SYTL5: variants seen among roughly 807,000 people sequenced by gnomAD.
SYTL5 encodes the protein synaptotagmin like 5.
A neutral mutation model predicts 55.9 loss-of-function variants in SYTL5; 34 were observed. The ratio of observed to expected loss-of-function variants is 0.61; its 90% CI spans 0.46 to 0.81. The LOEUF (loss-of-function observed/expected upper bound fraction) is 0.81. Ranked by LOEUF, SYTL5 falls within the 30% of genes least tolerant of loss-of-function variation. The pLI, the probability that SYTL5 is intolerant of heterozygous loss-of-function variation, is 0.00. For synonymous variants in SYTL5, 221 were observed against 188.7 expected (o/e 1.17, Z -1.40); for missense variants, 637 against 546.7 (o/e 1.17, Z -1.65).
rs537589171 is a variant in SYTL5, at chrX:38,079,275, C to T, written c.689+2574C>T. 3.6e-5 allele frequency among the ~76,000 whole-genome samples: 4 copies of T among 111,424 alleles called. No individual in the cohort carries two copies. The South Asian group carries it at 1.2e-3, about 32-fold the overall frequency. Reference sequence around the variant, plus strand: ...ATGGAGCAGCTGGGCTTCGGCATTCCTTTTTAAGGCTCACATCATATAAGA... The same window carrying T: ...ATGGAGCAGCTGGGCTTCGGCATTCTTTTTTAAGGCTCACATCATATAAGA... On this transcript the variant is annotated intron_variant, in intron 6 of 16. Transcript: ENST00000297875.
the SYTL5 span, among the ~76,000 whole-genome samples, chrX:37,955,165 G>C: frequency 9.1e-6 from 1 of 110,395 alleles, no homozygotes; most frequent in Non-Finnish European, 1.9e-5. Context: ...AATCAGAGAG[G>C]ATGTGGCAAA....
intron 11 of SYTL5, among the ~76,000 whole-genome samples, chrX:38,108,361 C>A (rs1321214909): frequency 9.0e-6 from 1 of 111,327 alleles, no homozygotes; most frequent in Non-Finnish European, 1.9e-5. Context: ...TGGAGTGATT[C>A]AAAACCAGGT....
At chrX:38,120,279 T>C in intron 13 of SYTL5, 79 bp from the exon 14 acceptor site, 1 of 675,745 alleles carries the variant, frequency 1.5e-6, no homozygotes, top group Non-Finnish European at 2.4e-6. Flanking sequence ...ACTAAGTAAA[T>C]ATTGCACATT....
intron 2 of SYTL5, among the ~76,000 whole-genome samples, chrX:38,041,550 A>C (rs1935290315): frequency 8.9e-6 from 1 of 112,398 alleles, no homozygotes; most frequent in East Asian, 2.8e-4. Context: ...TCCCTAATGG[A>C]ACTCAAATGC....
At chrX:38,108,429 G>A (rs1296291073) in intron 11 of SYTL5, among the ~76,000 whole-genome samples, 171 bp from the exon 12 acceptor site, 5 of 111,550 alleles carry the variant, frequency 4.5e-5, no homozygotes, top group Non-Finnish European at 7.5e-5. Context: ...TCTCTCTTAC[G>A]GAAGGCCCAG....
At chrX:38,078,917 G>A (rs778922066) in intron 6 of SYTL5, among the ~76,000 whole-genome samples, 1 of 112,254 alleles carries the variant, frequency 8.9e-6, no homozygotes, top group Non-Finnish European at 1.9e-5. Context: ...AGCCAGGAGT[G>A]CTTTGGCTTA....
the SYTL5 span, among the ~76,000 whole-genome samples, chrX:37,959,344 C>A: frequency 0.024 from 2,648 of 111,946 alleles, 75 homozygotes; most frequent in African/African-American, 0.081. Flanking sequence ...TCATTGCGGC[C>A]GGCCCTGAGC....
At position 38,128,419 on chromosome X, in the gene SYTL5, T is replaced by A. The variant is rs756759056; in HGVS notation, c.*1689T>A. The stretch of plus-strand genomic sequence containing the variant: ...GACCAAGGTATGTTCTGGAGTCATA[T>A]TCTAGCCTCTGAGCTCATTTTTTCA... On this transcript the variant is annotated 3_prime_UTR_variant, in exon 17 of 17. Transcript: ENST00000297875. 2 of 111,751 alleles carry A rather than the reference T, an allele frequency of 1.8e-5. No individual in the cohort carries two copies. Among genetic ancestry groups the A allele is most frequent in the Non-Finnish European group, 3.8e-5 (2 of 53,159 alleles). 9.2% of individuals were successfully genotyped at this position (111,751 alleles called of 1,213,427 possible). A position where few individuals can be genotyped will look rare whatever the true frequency, so the allele number is the denominator to read the frequency against.
chrX:38,109,826 T>A, intron 12 of SYTL5, among the ~76,000 whole-genome samples: 1 of 111,247 alleles, frequency 9.0e-6, no homozygotes, highest in Non-Finnish European at 1.9e-5. Flanking sequence ...AATATACATG[T>A]ACACCTTTTC....
chrX:37,962,227 C>T, the SYTL5 span, among the ~76,000 whole-genome samples: 2 of 110,441 alleles, frequency 1.8e-5, no homozygotes, highest in African/African-American at 6.6e-5. Context: ...TCCCCGCTCC[C>T]CCGACCCCAC....
intron 6 of SYTL5, 82 bp downstream of exon 6, chrX:38,076,783 CTG>C (rs1318380250): frequency 5.0e-6 from 5 of 1,005,447 alleles, no homozygotes; most frequent in Admixed American, 5.6e-5. Flanking sequence ...TTTTAGGTAT[CTG>C]TGAAATATTA....
chrX:37,896,670 C>A, the SYTL5 span, among the ~76,000 whole-genome samples: 15 of 111,499 alleles, frequency 1.3e-4, no homozygotes, highest in African/African-American at 3.9e-4. Context: ...GACAGCCTGC[C>A]AAACACTAGA....
the SYTL5 span, among the ~76,000 whole-genome samples, chrX:37,948,472 AT>A: frequency 9.1e-6 from 1 of 110,167 alleles, no homozygotes; most frequent in Non-Finnish European, 1.9e-5. Context: ...TGCTTAAATT[AT>A]TTTTTGCAAC....
At chrX:38,063,915 A>C (rs1301244403) in intron 3 of SYTL5, among the ~76,000 whole-genome samples, 2 of 111,550 alleles carry the variant, frequency 1.8e-5, no homozygotes, top group Non-Finnish European at 3.8e-5. Flanking sequence ...GGGATTCTTA[A>C]ATCTGTGGAT....
intron 2 of SYTL5, among the ~76,000 whole-genome samples, chrX:38,043,657 G>GTATATATATATA (rs1387169792): frequency 2.5e-5 from 1 of 39,387 alleles, no homozygotes; most frequent in African/African-American, 1.4e-4. Context: ...ATGTATGTAT[G>GTATATATATATA]TATGTATATA....
chrX:38,003,656 G>A (rs974047191), upstream of SYTL5, among the ~76,000 whole-genome samples: 1 of 111,692 alleles, frequency 9.0e-6, no homozygotes, highest in African/African-American at 3.3e-5. Context: ...ATTGCCCAAG[G>A]TAATTTATAG....
the SYTL5 span, among the ~76,000 whole-genome samples, chrX:37,937,222 A>T: frequency 9.0e-6 from 1 of 110,855 alleles, no homozygotes; most frequent in East Asian, 2.8e-4. Context: ...TTCATAACAC[A>T]GTTGTAAAGG....
intron 1 of SYTL5, among the ~76,000 whole-genome samples, chrX:38,021,241 C>G (rs139691469): frequency 3.4e-4 from 38 of 111,934 alleles, no homozygotes; most frequent in African/African-American, 1.2e-3. Context: ...TTATGAATCT[C>G]TACTGCAAAT....
chrX:37,952,086 G>A, the SYTL5 span, among the ~76,000 whole-genome samples: 3 of 111,475 alleles, frequency 2.7e-5, no homozygotes, highest in South Asian at 3.8e-4. Flanking sequence ...GTCAGGGTGA[G>A]GAGGGAAAAT....
Sources: gnomAD v4.1 joint callset for allele counts (sites outside exome capture counted in the v4.1 genomes callset) on GRCh38, gnomAD v4.1.1 for gene constraint, MANE v1.5 for transcripts, NCBI Gene and HGNC (gene_info 2026-07-23, HGNC 2026-07-21) for gene names.